OR51B5: variants seen among roughly 807,000 people sequenced by gnomAD.
The protein encoded by OR51B5 is olfactory receptor family 51 subfamily B member 5.
For missense variants in OR51B5, 456 were observed against 374.6 expected (o/e 1.22, Z -1.79); for synonymous variants, 186 against 144.8 (o/e 1.28, Z -2.04).
chr11:5,379,527 G>A (rs887132299), intron 1 of OR51B5, among the ~76,000 whole-genome samples: 8 of 151,118 alleles, frequency 5.3e-5, no homozygotes, highest in East Asian at 1.9e-4. Context: ...TCAGGTTTCC[G>A]TTGTTTCCTC....
chr11:5,446,136 G>A (rs1051181209), intron 1 of OR51B5, among the ~76,000 whole-genome samples: 2 of 152,056 alleles, frequency 1.3e-5, no homozygotes, highest in African/African-American at 4.8e-5. Flanking sequence ...GATAGCATTA[G>A]GAGATACACC....
intron 1 of OR51B5, among the ~76,000 whole-genome samples, chr11:5,459,194 G>A (rs1162026313): frequency 1.3e-5 from 2 of 152,112 alleles, no homozygotes; most frequent in Non-Finnish European, 2.9e-5. Context: ...AGCCTTTTCT[G>A]TCTCTATTGA....
chr11:5,368,314 A>C (rs4910772), intron 1 of OR51B5, among the ~76,000 whole-genome samples: 41,251 of 152,076 alleles, frequency 0.27, 5,867 homozygotes, highest in African/African-American at 0.33. Flanking sequence ...TAGCAAAGCA[A>C]TTTATCTTTC....
At chr11:5,457,314 G>C (rs1368068325) in intron 1 of OR51B5, among the ~76,000 whole-genome samples, 5 of 152,062 alleles carry the variant, frequency 3.3e-5, no homozygotes, top group Non-Finnish European at 7.4e-5. Context: ...ACATGATTTT[G>C]TTCTTTTTAT....
chr11:5,386,251 C>G (rs1849693832), intron 1 of OR51B5, among the ~76,000 whole-genome samples: 1 of 151,712 alleles, frequency 6.6e-6, no homozygotes. Context: ...GGTGTGTTGA[C>G]TGGGAAAAGA....
chr11:5,390,274 C>T, intron 1 of OR51B5: 1 of 1,613,998 alleles, frequency 6.2e-7, no homozygotes, highest in Non-Finnish European at 8.5e-7. Flanking sequence ...CCAATGTCTA[C>T]CTTTTTGTGC....
At chr11:5,490,269 A>C (rs1306854781) in intron 1 of OR51B5, among the ~76,000 whole-genome samples, 3 of 152,256 alleles carry the variant, frequency 2.0e-5, no homozygotes, top group African/African-American at 7.2e-5. Context: ...TGTACTCAAT[A>C]AATGAATATA....
chr11:5,486,241 CTTTCTGTTT>C (rs1374915029), intron 1 of OR51B5, among the ~76,000 whole-genome samples: 3 of 144,086 alleles, frequency 2.1e-5, no homozygotes, highest in Admixed American at 6.9e-5. Context: ...ACCTCTTTTT[CTTTCTGTTT>C]TATTTTTTCA....
chr11:5,389,492 T>A, intron 1 of OR51B5: 1 of 1,614,020 alleles, frequency 6.2e-7, no homozygotes, highest in Non-Finnish European at 8.5e-7. Flanking sequence ...CTTTCCTGGA[T>A]TGGAAGGCAT....
At chr11:5,475,256 G>T (rs901962809) in intron 1 of OR51B5, among the ~76,000 whole-genome samples, 1 of 151,906 alleles carries the variant, frequency 6.6e-6, no homozygotes, top group African/African-American at 2.4e-5. Context: ...GATAAAATCC[G>T]AACACTCATA....
At chr11:5,451,020 C>T (rs964704376) in intron 1 of OR51B5, among the ~76,000 whole-genome samples, 5 of 152,184 alleles carry the variant, frequency 3.3e-5, no homozygotes, top group Non-Finnish European at 5.9e-5. Context: ...GTGAGGAAAG[C>T]TCATCTCACT....
downstream of OR51B5, among the ~76,000 whole-genome samples, chr11:5,341,832 A>G (rs878865301): frequency 6.6e-6 from 1 of 152,184 alleles, no homozygotes; most frequent in Admixed American, 6.5e-5. Flanking sequence ...TGGAGCTAGC[A>G]ACTAGGGTAG....
chr11:5,359,858 A>G (rs1311056271), intron 1 of OR51B5, among the ~76,000 whole-genome samples: 1 of 152,160 alleles, frequency 6.6e-6, no homozygotes, highest in Non-Finnish European at 1.5e-5. Flanking sequence ...CAACCATCTG[A>G]TCTTTGACAA....
At chr11:5,418,879 A>AAAAAG (rs1160449766) in intron 1 of OR51B5, among the ~76,000 whole-genome samples, 7 of 148,622 alleles carry the variant, frequency 4.7e-5, no homozygotes, top group Admixed American at 3.4e-4. Context: ...AAGTATTATA[A>AAAAAG]AAAAAAAAAA....
intron 1 of OR51B5, among the ~76,000 whole-genome samples, chr11:5,404,768 G>A (rs538167475): frequency 2.0e-5 from 3 of 152,320 alleles, no homozygotes; most frequent in Admixed American, 6.5e-5. Context: ...CCTGAAGTCA[G>A]CGAGACCACG....
intron 1 of OR51B5, among the ~76,000 whole-genome samples, chr11:5,476,042 A>G (rs986568468): frequency 3.3e-5 from 5 of 152,194 alleles, no homozygotes; most frequent in South Asian, 4.1e-4. Flanking sequence ...AAATCCTCAT[A>G]AAGTGATTTA....
chr11:5,389,933 C>G, intron 1 of OR51B5: 1 of 1,611,350 alleles, frequency 6.2e-7, no homozygotes. Flanking sequence ...GAAGGCTTTT[C>G]CCTACTGTGG....
intron 1 of OR51B5, among the ~76,000 whole-genome samples, chr11:5,356,361 G>A (rs756873530): frequency 1.3e-4 from 19 of 151,974 alleles, no homozygotes; most frequent in Middle Eastern, 3.4e-3. Flanking sequence ...CGATCAACTG[G>A]AAGAAAGGGT....
intron 1 of OR51B5, among the ~76,000 whole-genome samples, chr11:5,452,173 G>A (rs1270185843): frequency 1.3e-5 from 2 of 151,982 alleles, no homozygotes; most frequent in East Asian, 3.9e-4. Flanking sequence ...AGTGCAGACT[G>A]AGAGTATGAG....
Sources: allele counts gnomAD v4.1 joint callset (sites outside exome capture counted in the v4.1 genomes callset), GRCh38; gene constraint gnomAD v4.1.1; transcripts MANE v1.5; gene names NCBI Gene and HGNC (gene_info 2026-07-23, HGNC 2026-07-21).